The following SMAD6 variants were observed in gnomAD, a reference collection of about 807,000 sequenced individuals.
SMAD6 encodes SMAD family member 6, also known as MAD homolog 6.
SMAD6 carries 103 observed loss-of-function variants against 39.4 expected under a neutral mutation model. That is an observed-to-expected ratio of 2.62 (90% confidence interval 2.23 to 3.08). SMAD6 has a LOEUF of 3.08. Among genes scored for constraint, SMAD6 ranks in the 30% most tolerant of loss-of-function variants. SMAD6 has a pLI of 0.00. For synonymous variants in SMAD6, 445 were observed against 353.3 expected, an observed-to-expected ratio of 1.26 and a Z score of -2.91; for missense variants, 1,104 against 742.9, an observed-to-expected ratio of 1.49 and a Z score of -5.65.
Position 66,703,913 on chromosome 15 carries a change from C to T in SMAD6, c.655C>T (p.Pro219Ser). 1 of 1,296,924 alleles carries T rather than the reference C, an allele frequency of 7.7e-7. No homozygotes were observed. Among genetic ancestry groups the T allele is most frequent in the East Asian group, 3.2e-5 (1 of 31,406 alleles). The allele number at this position is 1,296,924 out of a possible 1,614,324, so 80.3% of individuals were successfully genotyped here. A position where few individuals can be genotyped will look rare whatever the true frequency, so the allele number is the denominator to read the frequency against. Residue 219 changes from proline (P) to serine (S), a missense_variant, in exon 1 of 4, where the codon CCC becomes TCC. By Grantham distance (74) the Pro-to-Ser change is moderately conservative. Coordinates refer to ENST00000288840, the MANE Select transcript of SMAD6 (RefSeq NM_005585.5). Reference sequence around the variant, plus strand: ...CGCCGACCTCCGCCTGGGCGGCCAGCCCGCGCCGCCGCAGCTGCTGCTCGG... The same window carrying T: ...CGCCGACCTCCGCCTGGGCGGCCAGTCCGCGCCGCCGCAGCTGCTGCTCGG... ...PRADLRLGGQ[P>S]APPQLLLGRL...
chr15:66,713,418 C>G (rs1033553527), intron 2 of SMAD6, among the ~76,000 whole-genome samples: 2 of 152,208 alleles, frequency 1.3e-5, no homozygotes, highest in Non-Finnish European at 2.9e-5. Context: ...ATCCCGGGTT[C>G]AAGCGATTCT....
At chr15:66,749,291 C>G (rs1893959089) in intron 3 of SMAD6, among the ~76,000 whole-genome samples, 2 of 152,120 alleles carry the variant, frequency 1.3e-5, no homozygotes, top group African/African-American at 2.4e-5. Flanking sequence ...AACTCTGTCT[C>G]TACTAAAAAT....
At chr15:66,774,662 C>T (rs933449521) in intron 3 of SMAD6, among the ~76,000 whole-genome samples, 1 of 152,054 alleles carries the variant, frequency 6.6e-6, no homozygotes, top group African/African-American at 2.4e-5. Flanking sequence ...AGGTATCATA[C>T]CTAAAATGAA....
In SMAD6 at chr15:66,703,430, T is replaced by A; in HGVS notation, c.172T>A (p.Ser58Thr). The A allele has an allele frequency of 7.7e-7, 1 of 1,292,396 alleles. No individual in the cohort carries two copies. The highest frequency in any genetic ancestry group is 4.2e-5 in the Admixed American group (1 of 23,910). 80.1% of individuals were successfully genotyped at this position (1,292,396 alleles called of 1,614,324 possible). A position where few individuals can be genotyped will look rare whatever the true frequency, so the allele number is the denominator to read the frequency against. Residue 58 changes from serine to threonine, a missense_variant, in exon 1 of 4, where the codon TCC becomes ACC. Ser to Thr is a moderately conservative substitution (Grantham distance 58). Transcript: ENST00000288840. The stretch of plus-strand genomic sequence containing the variant: ...AAGAGAGGGCGGAGGCTGCGGCCGC[T>A]CCGAAGTCCGCCCGGTAGCCCCGCG... ...RAREGGGCGR[S>T]EVRPVAPRRP... is the part of the protein sequence containing the mutation.
chr15:66,725,041 G>A (rs181186486), intron 3 of SMAD6, among the ~76,000 whole-genome samples: 97 of 152,342 alleles, frequency 6.4e-4, no homozygotes, highest in African/African-American at 2.2e-3. Flanking sequence ...CCACTGGCAT[G>A]CTTTCCCTGG....
intron 3 of SMAD6, among the ~76,000 whole-genome samples, chr15:66,771,491 C>T (rs980685352): frequency 5.9e-5 from 9 of 152,186 alleles, no homozygotes; most frequent in Non-Finnish European, 8.8e-5. Flanking sequence ...AGAGAAAAGC[C>T]GGCAGAAAAC....
rs1297811876 is a variant in SMAD6 at position 66,702,536 on chromosome 15, A to G, written c.-723A>G. On this transcript the variant is annotated 5_prime_UTR_variant, in exon 1 of 4. Transcript: ENST00000288840. ...CGGTGGACTGCATTTTTAATTAAGG[A>G]TTCCCAGCAGCTCTTTGGGATTTTT... 6.6e-6 allele frequency: 1 copy of G among 152,478 alleles called. No homozygotes were observed. The highest frequency in any genetic ancestry group is 1.5e-5 in the Non-Finnish European group (1 of 68,012). The allele number at this position is 152,478 out of a possible 1,614,324, so 9.4% of individuals were successfully genotyped here.
intron 3 of SMAD6, chr15:66,717,660 G>C: frequency 5.7e-6 from 2 of 353,126 alleles, no homozygotes; most frequent in Non-Finnish European, 1.1e-5. Context: ...TCTCACCAAG[G>C]CATGGGAGCT....
At chr15:66,738,849 G>A (rs1443898404) in intron 3 of SMAD6, among the ~76,000 whole-genome samples, 1 of 152,116 alleles carries the variant, frequency 6.6e-6, no homozygotes, top group Non-Finnish European at 1.5e-5. Context: ...GGTGGAGGCC[G>A]AGACTGTGTA....
At chr15:66,746,903 G>A (rs1438634008) in intron 3 of SMAD6, among the ~76,000 whole-genome samples, 2 of 152,162 alleles carry the variant, frequency 1.3e-5, no homozygotes, top group Non-Finnish European at 2.9e-5. Context: ...TTGACCATGG[G>A]GGAATAATTG....
rs958758977 is a variant in SMAD6 at position 66,703,909 on chromosome 15, C to T, written c.651C>T (p.Gly217=). ...LVPRADLRLG[G]QPAPPQLLLG... ...CGCGCGCCGACCTCCGCCTGGGCGG[C>T]CAGCCCGCGCCGCCGCAGCTGCTGC... The change falls in exon 1 of 4, where the codon GGC becomes GGT. Residue 217 remains glycine, a synonymous_variant. Transcript: ENST00000288840. The T allele has an allele frequency of 5.4e-6, 7 of 1,289,850 alleles. No homozygotes were observed. In the African/African-American group the frequency reaches 6.2e-5, roughly 11 times the overall value. 79.9% of individuals were successfully genotyped at this position (1,289,850 alleles called of 1,614,324 possible). A position where few individuals can be genotyped will look rare whatever the true frequency, so the allele number is the denominator to read the frequency against.
At chr15:66,717,267 G>A in intron 3 of SMAD6, 2 of 554,430 alleles carry the variant, frequency 3.6e-6, no homozygotes, top group Non-Finnish European at 6.3e-6. Context: ...GGCTGGGGCT[G>A]CATACCTTGT....
chr15:66,717,597 T>C (rs1893355384), intron 3 of SMAD6: 4 of 388,974 alleles, frequency 1.0e-5, no homozygotes. Flanking sequence ...CACTGGCTGC[T>C]CATGGCTGCC....
intron 1 of SMAD6, among the ~76,000 whole-genome samples, chr15:66,710,560 C>T (rs1353279693): frequency 2.0e-5 from 3 of 152,040 alleles, no homozygotes; most frequent in Non-Finnish European, 2.9e-5. Context: ...ACTTATTACC[C>T]CTTGTGTCAT....
chr15:66,709,494 CA>C (rs1445292254), intron 1 of SMAD6, among the ~76,000 whole-genome samples: 1 of 152,172 alleles, frequency 6.6e-6, no homozygotes, highest in Non-Finnish European at 1.5e-5. Context: ...GAGATGCTGG[CA>C]TTGGTTACAG....
At chr15:66,771,268 T>G (rs931153111) in intron 3 of SMAD6, among the ~76,000 whole-genome samples, 6 of 152,186 alleles carry the variant, frequency 3.9e-5, no homozygotes, top group African/African-American at 1.4e-4. Context: ...TGAGCAGGCC[T>G]GTGTAGTAGG....
chr15:66,770,568 T>G (rs1894363055), intron 3 of SMAD6, among the ~76,000 whole-genome samples: 1 of 152,052 alleles, frequency 6.6e-6, no homozygotes, highest in Non-Finnish European at 1.5e-5. Flanking sequence ...CCCCAGGTGG[T>G]CTCTGAGTAA....
chr15:66,770,587 A>AC (rs1392413033), intron 3 of SMAD6, among the ~76,000 whole-genome samples: 1 of 152,204 alleles, frequency 6.6e-6, no homozygotes, highest in Non-Finnish European at 1.5e-5. Context: ...AAGAAAACAA[A>AC]CAAACACACT....
chr15:66,712,538 G>T (rs1183081571), intron 2 of SMAD6, among the ~76,000 whole-genome samples: 1 of 152,024 alleles, frequency 6.6e-6, no homozygotes, highest in African/African-American at 2.4e-5. Flanking sequence ...AATTAGCCGG[G>T]TGTTGTGGTA....
Sources: allele counts gnomAD v4.1 joint callset (sites outside exome capture counted in the v4.1 genomes callset), GRCh38; gene constraint gnomAD v4.1.1; transcripts MANE v1.5; gene names NCBI Gene and HGNC (gene_info 2026-07-23, HGNC 2026-07-21).